SAAL1: variants seen among roughly 807,000 people sequenced by gnomAD.
SAAL1 encodes the protein serum amyloid A like 1, also known as protein SAAL1.
In SAAL1, 42 loss-of-function variants were observed where a neutral mutation model predicts 59.8. That is an observed-to-expected ratio of 0.70 (90% confidence interval 0.55 to 0.91). The LOEUF is 0.91. Among genes scored for constraint, SAAL1 ranks in the 40% least tolerant of loss-of-function variants. SAAL1 has a pLI of 0.00. For synonymous variants in SAAL1, 191 were observed against 194.3 expected, an observed-to-expected ratio of 0.98 and a Z score of 0.14; for missense variants, 542 against 561.1, an observed-to-expected ratio of 0.97 and a Z score of 0.34.
At chr11:18,105,815 G>C in intron 1 of SAAL1, 92 bp downstream of exon 1, 1 of 1,422,002 alleles carries the variant, frequency 7.0e-7, no homozygotes, top group Non-Finnish European at 9.2e-7. Flanking sequence ...TTGTGGGGAT[G>C]GCGGCTCCCG....
intron 9 of SAAL1, among the ~76,000 whole-genome samples, chr11:18,086,578 G>A (rs1207621367): frequency 6.6e-6 from 1 of 152,094 alleles, no homozygotes; most frequent in East Asian, 1.9e-4. Flanking sequence ...GTGTGCGCCT[G>A]TAATCCCAGG....
At chr11:18,104,440 CTT>C (rs201232815) in intron 1 of SAAL1, among the ~76,000 whole-genome samples, 10 of 143,838 alleles carry the variant, frequency 7.0e-5, no homozygotes, top group Non-Finnish European at 1.2e-4. Context: ...TACATTTAAG[CTT>C]TTTTTTTTTT....
At chr11:18,103,077 T>C (rs1041908373) in intron 2 of SAAL1, among the ~76,000 whole-genome samples, 156 bp downstream of exon 2, 3 of 152,202 alleles carry the variant, frequency 2.0e-5, no homozygotes, top group Admixed American at 2.0e-4. Flanking sequence ...TTAGCATTTA[T>C]AGCCCCTGGG....
chr11:18,091,712 G>A (rs1019643323), intron 4 of SAAL1, among the ~76,000 whole-genome samples: 21 of 152,262 alleles, frequency 1.4e-4, no homozygotes, highest in African/African-American at 5.1e-4. Flanking sequence ...AACCACTGGG[G>A]TTTCCTCCAT....
rs1229104549 is a variant in SAAL1 at position 18,083,574 on chromosome 11, T to C, written c.1200A>G (p.Leu400=). The C allele has an allele frequency of 1.9e-6, 3 of 1,593,732 alleles. No individual in the cohort carries two copies. Among genetic ancestry groups the C allele is most frequent in the Non-Finnish European group, 2.6e-6 (3 of 1,162,762 alleles). ...GAAAAATATTAGAAAGAAATTCACA[T>C]AAAATATCCTTTAAGATTTTCAAGT... ...DFHLKILKDI[L]CEFLSNIFQA... The change falls in exon 10 of 12, where the codon TTA becomes TTG. Residue 400 remains leucine, a synonymous_variant. Coordinates refer to ENST00000524803, the MANE Select transcript of SAAL1 (RefSeq NM_138421.3).
rs1848396766 is a variant in SAAL1 at position 18,080,327 on chromosome 11, A to G, written c.*72T>C. ...ATATGGGCTTTAGTTAATATTTCCAATAAGTCAATTTCAACTGTCAGTGAG... is the reference window on the plus strand; with the variant it reads ...ATATGGGCTTTAGTTAATATTTCCAGTAAGTCAATTTCAACTGTCAGTGAG... On this transcript the variant is annotated 3_prime_UTR_variant, in exon 12 of 12. Coordinates refer to ENST00000524803, the MANE Select transcript of SAAL1 (RefSeq NM_138421.3). The G allele has an allele frequency of 2.1e-6, 2 of 953,368 alleles. No homozygotes were observed. The highest frequency in any genetic ancestry group is 3.2e-6 in the Non-Finnish European group (2 of 619,410). 59.1% of individuals were successfully genotyped at this position (953,368 alleles called of 1,614,324 possible). A position where few individuals can be genotyped will look rare whatever the true frequency, so the allele number is the denominator to read the frequency against.
intron 11 of SAAL1, among the ~76,000 whole-genome samples, chr11:18,081,201 A>G (rs1387599674): frequency 6.6e-6 from 1 of 152,078 alleles, no homozygotes; most frequent in Non-Finnish European, 1.5e-5. Flanking sequence ...GTATGTCCAT[A>G]GTATCCAATG....
chr11:18,104,671 A>G (rs960056477), intron 1 of SAAL1, among the ~76,000 whole-genome samples: 9 of 152,188 alleles, frequency 5.9e-5, no homozygotes, highest in Non-Finnish European at 1.3e-4. Context: ...GAAGGAGAGA[A>G]GTGAGTATTC....
intron 2 of SAAL1, among the ~76,000 whole-genome samples, chr11:18,099,901 C>T (rs988894445): frequency 6.6e-6 from 1 of 152,206 alleles, no homozygotes; most frequent in Non-Finnish European, 1.5e-5. Context: ...GAGATATAAA[C>T]TCACCAGACT....
intron 7 of SAAL1, among the ~76,000 whole-genome samples, chr11:18,089,091 T>C (rs899195505): frequency 3.9e-5 from 6 of 152,220 alleles, no homozygotes; most frequent in Non-Finnish European, 8.8e-5. Flanking sequence ...TTACATAAAA[T>C]ATGGTAAGAC....
intron 11 of SAAL1, among the ~76,000 whole-genome samples, 169 bp downstream of exon 11, chr11:18,081,242 C>G (rs551291189): frequency 1.3e-5 from 2 of 152,052 alleles, no homozygotes; most frequent in Non-Finnish European, 2.9e-5. Context: ...TGAGAACATA[C>G]GGTATTTGGT....
rs1217882320 is a variant in SAAL1, at chr11:18,102,905, T to A, written c.249+328A>T. On this transcript the variant is annotated intron_variant, in intron 2 of 11. Transcript: ENST00000524803. Reference sequence around the variant, plus strand: ...TTATCATGGTATATCAGTGGTCTTCTAACTCCTAACCTGCTGTCAAATATA... The same window carrying A: ...TTATCATGGTATATCAGTGGTCTTCAAACTCCTAACCTGCTGTCAAATATA... Among the ~76,000 whole-genome samples, 11 of 152,226 alleles carry A rather than the reference T, an allele frequency of 7.2e-5. No homozygotes were observed. The East Asian group carries it at 2.1e-3, about 29-fold the overall frequency.
chr11:18,095,007 A>G (rs1848557735), intron 3 of SAAL1, among the ~76,000 whole-genome samples: 1 of 152,176 alleles, frequency 6.6e-6, no homozygotes, highest in Admixed American at 6.5e-5. Flanking sequence ...AAAGTTCCCT[A>G]GGGTAAAGCT....
In SAAL1 at chr11:18,089,443, T is replaced by G. The variant is rs34941131; in HGVS notation, c.657A>C (p.Leu219Phe). Residue 219 changes from leucine (L) to phenylalanine (F), a missense_variant, in exon 7 of 12, where the codon TTA becomes TTC. Leu to Phe is a conservative substitution (Grantham distance 22, BLOSUM62 0). Coordinates refer to ENST00000524803, the MANE Select transcript of SAAL1 (RefSeq NM_138421.3). ...GAGCAGCCCCATTTCTGACCCATTCTAACATTAGTTTCTCATCCAAATCAA... is the reference window on the plus strand; with the variant it reads ...GAGCAGCCCCATTTCTGACCCATTCGAACATTAGTTTCTCATCCAAATCAA... ...KLFDLDEKLMLEWVRNGAAQP... is the reference protein window; with the variant it reads ...KLFDLDEKLMFEWVRNGAAQP... 7.4e-6 allele frequency: 12 copies of G among 1,612,846 alleles called. No homozygotes were observed. In the African/African-American group the frequency reaches 1.2e-4, roughly 16 times the overall value.
intron 2 of SAAL1, among the ~76,000 whole-genome samples, chr11:18,101,223 G>C (rs2134065572): frequency 6.6e-6 from 1 of 152,176 alleles, no homozygotes; most frequent in East Asian, 1.9e-4. Flanking sequence ...CAAATTGAAA[G>C]TTTCTTAAAA....
At chr11:18,092,601 G>A (rs896161193) in intron 3 of SAAL1, among the ~76,000 whole-genome samples, 1 of 152,152 alleles carries the variant, frequency 6.6e-6, no homozygotes, top group African/African-American at 2.4e-5. Flanking sequence ...ATAGGAATGA[G>A]ATATGCAAAC....
At chr11:18,091,268 C>T (rs1564871188) in intron 4 of SAAL1, among the ~76,000 whole-genome samples, 1 of 152,080 alleles carries the variant, frequency 6.6e-6, no homozygotes, top group Non-Finnish European at 1.5e-5. Context: ...AGTGGTTCAA[C>T]AAATTTATAT....
chr11:18,100,892 A>G lies in SAAL1; in HGVS notation c.249+2341T>C, dbSNP rs534248938. Among the ~76,000 whole-genome samples the G allele has an allele frequency of 3.3e-3, 504 of 152,346 alleles. 3 individuals are homozygous for G. Among genetic ancestry groups the G allele is most frequent in the Middle Eastern group, 6.8e-3 (2 of 294 alleles). ...CAAAATGGATCACAGACTTATATGT[A>G]AAACCTAAAATTATAAAACTTTTAG... is the stretch of plus-strand genomic sequence containing the variant. On this transcript the variant is annotated intron_variant, in intron 2 of 11. Transcript: ENST00000524803.
chr11:18,085,661 T>C (rs1371730421), intron 9 of SAAL1, among the ~76,000 whole-genome samples: 1 of 152,212 alleles, frequency 6.6e-6, no homozygotes, highest in Non-Finnish European at 1.5e-5. Flanking sequence ...GAATTTGCCT[T>C]ATTAGGTATT....
Sources: gnomAD v4.1 joint callset for allele counts (sites outside exome capture counted in the v4.1 genomes callset) on GRCh38, gnomAD v4.1.1 for gene constraint, MANE v1.5 for transcripts, NCBI Gene and HGNC (gene_info 2026-07-23, HGNC 2026-07-21) for gene names.